Variants in BCL2L13 observed in about 807,000 individuals in gnomAD.
BCL2L13 encodes BCL2 like 13.
In BCL2L13, 13 loss-of-function variants were observed where a neutral mutation model predicts 25.8. The ratio of observed to expected loss-of-function variants is 0.50; its 90% CI spans 0.33 to 0.80. The LOEUF (loss-of-function observed/expected upper bound fraction) is 0.80, where lower values mean the gene tolerates loss of function less well. Among genes scored for constraint, BCL2L13 ranks in the 30% least tolerant of loss-of-function variants. The pLI is 0.02. For synonymous variants in BCL2L13, 244 were observed against 230.3 expected, an observed-to-expected ratio of 1.06 and a Z score of -0.54; for missense variants, 504 against 574.9, an observed-to-expected ratio of 0.88 and a Z score of 1.26.
intron 1 of BCL2L13, among the ~76,000 whole-genome samples, chr22:17,652,754 A>G (rs2058727774): frequency 6.6e-6 from 1 of 152,084 alleles, no homozygotes; most frequent in Non-Finnish European, 1.5e-5. Context: ...TTTCTTGAAT[A>G]CCATATTGAA....
intron 6 of BCL2L13, among the ~76,000 whole-genome samples, chr22:17,720,595 C>T (rs1429847684): frequency 6.6e-6 from 1 of 151,178 alleles, no homozygotes; most frequent in Non-Finnish European, 1.5e-5. Context: ...GAACTCCTGA[C>T]CTCAGGCGAT....
rs1430119460 is a variant in BCL2L13, at chr22:17,658,186, C to G, written c.121+2354C>G. Reference sequence around the variant, plus strand: ...TTTAAGCTGCTAAATAAACTTTTCACCAGATAGCAAATTTTAATTCATTTT... The same window carrying G: ...TTTAAGCTGCTAAATAAACTTTTCAGCAGATAGCAAATTTTAATTCATTTT... On this transcript the variant is annotated intron_variant, in intron 2 of 6. Coordinates refer to ENST00000317582, the MANE Select transcript of BCL2L13 (RefSeq NM_015367.4). 2.0e-5 allele frequency among the ~76,000 whole-genome samples: 3 copies of G among 151,026 alleles called. No individual in the cohort carries two copies. The East Asian group carries it at 5.8e-4, about 29-fold the overall frequency.
intron 6 of BCL2L13, among the ~76,000 whole-genome samples, chr22:17,709,215 G>A (rs969791181): frequency 3.3e-4 from 50 of 151,576 alleles, no homozygotes; most frequent in African/African-American, 1.0e-3. Context: ...CAGCCTGGGC[G>A]ACAGAGTGAG....
Position 17,726,709 on chromosome 22 carries a change from G to A in BCL2L13, c.633G>A (p.Glu211=), listed in dbSNP as rs754425367. 3 of 1,614,088 alleles carry A rather than the reference G, an allele frequency of 1.9e-6. No individual in the cohort carries two copies. The highest frequency in any genetic ancestry group is 2.2e-5 in the South Asian group (2 of 91,080). Residue 211 remains glutamate (E), a synonymous_variant, in exon 7 of 7, where the codon GAG becomes GAA. Transcript: ENST00000317582. ...TGTTTAGTCTTGAGTCAGAGGAGGA[G>A]GAATACCCTGGAATCACTGCAGAAG... ...GTVFSLESEE[E]EYPGITAEDS...
intron 3 of BCL2L13, 121 bp from the exon 4 acceptor site, chr22:17,688,865 T>G (rs765563587): frequency 5.9e-5 from 54 of 910,028 alleles, no homozygotes; most frequent in Non-Finnish European, 8.3e-5. Flanking sequence ...CCTCCTGGGT[T>G]CAAGTGATTC....
intron 6 of BCL2L13, chr22:17,703,650 C>T (rs1272512946): frequency 6.6e-6 from 1 of 152,150 alleles, no homozygotes; most frequent in Non-Finnish European, 1.5e-5. Context: ...AATTTAATTA[C>T]TATGGATACT....
intron 1 of BCL2L13, among the ~76,000 whole-genome samples, chr22:17,653,199 G>A (rs1014794939): frequency 6.6e-6 from 1 of 152,038 alleles, no homozygotes; most frequent in African/African-American, 2.4e-5. Flanking sequence ...GGGACTGTCT[G>A]TATACCCTAA....
chr22:17,655,997 C>G (rs926023255), intron 2 of BCL2L13, among the ~76,000 whole-genome samples, 165 bp downstream of exon 2: 3 of 152,108 alleles, frequency 2.0e-5, no homozygotes, highest in African/African-American at 7.2e-5. Flanking sequence ...TATGCCAGCA[C>G]TTTGGGAGGC....
rs2060057065 is a variant in BCL2L13, at chr22:17,689,939, A to G, written c.386+797A>G. ...CATCTGCCAATGGAACTGCTTCTAC[A>G]TTCTTATAGAAGGAACTTCTCTCCT... On this transcript the variant is annotated intron_variant, in intron 4 of 6. Transcript: ENST00000317582. Among the ~76,000 whole-genome samples, 5 of 152,136 alleles carry G rather than the reference A, an allele frequency of 3.3e-5. No homozygotes were observed. The South Asian group carries it at 1.0e-3, about 32-fold the overall frequency.
At chr22:17,645,596 A>G (rs1382617263) in intron 1 of BCL2L13, among the ~76,000 whole-genome samples, 1 of 151,600 alleles carries the variant, frequency 6.6e-6, no homozygotes, top group Non-Finnish European at 1.5e-5. Flanking sequence ...CTACAATATA[A>G]TCAGCACTGG....
chr22:17,671,965 T>C (rs1056138000), intron 2 of BCL2L13, among the ~76,000 whole-genome samples: 4 of 152,352 alleles, frequency 2.6e-5, no homozygotes, highest in African/African-American at 9.6e-5. Context: ...CCGCTCGCCT[T>C]GGCCTCCCAG....
chr22:17,661,238 G>A (rs1213114458), intron 2 of BCL2L13, among the ~76,000 whole-genome samples: 1 of 145,084 alleles, frequency 6.9e-6, no homozygotes, highest in African/African-American at 2.4e-5. Context: ...GATTACAGGC[G>A]CCCGCCACTG....
At chr22:17,629,866 C>G (rs928204887) in intron 1 of BCL2L13, among the ~76,000 whole-genome samples, 17 of 150,786 alleles carry the variant, frequency 1.1e-4, no homozygotes, top group African/African-American at 3.5e-4. Context: ...TTTAGTGTGT[C>G]ATAAGAACGA....
rs117992732 is a variant in BCL2L13, at chr22:17,727,411, C to T, written c.1335C>T (p.Pro445=). Residue 445 remains proline (P), a synonymous_variant, in exon 7 of 7, where the codon CCC becomes CCT. Transcript: ENST00000317582. ...CTGAGGGCAAGTCTAGACTGTCCCC[C>T]GCCGGTGAGATGAAGCCCATGCCGC... The part of the protein sequence containing the change: ...PPSEGKSRLS[P]AGEMKPMPLS... The T allele has an allele frequency of 4.9e-4, 786 of 1,614,102 alleles. 9 individuals are homozygous for T. The East Asian group carries it at 0.015, about 30-fold the overall frequency.
intron 1 of BCL2L13, among the ~76,000 whole-genome samples, chr22:17,633,150 A>G (rs1279970076): frequency 6.6e-6 from 1 of 152,238 alleles, no homozygotes; most frequent in African/African-American, 2.4e-5. Context: ...AAAATTAACA[A>G]TTAACATTTG....
At chr22:17,690,981 T>C (rs74619816) in intron 4 of BCL2L13, among the ~76,000 whole-genome samples, 3,623 of 152,024 alleles carry the variant, frequency 0.024, 135 homozygotes, top group African/African-American at 0.083. Context: ...AGTAAGTGGG[T>C]TAAGCTCATT....
chr22:17,676,330 G>T (rs1036273108), intron 2 of BCL2L13, among the ~76,000 whole-genome samples: 4 of 152,044 alleles, frequency 2.6e-5, no homozygotes, highest in Non-Finnish European at 4.4e-5. Flanking sequence ...AGGTGTGGTG[G>T]CACACGCCTG....
intron 1 of BCL2L13, among the ~76,000 whole-genome samples, chr22:17,641,827 TCTCA>T (rs1261002142): frequency 6.9e-6 from 1 of 145,200 alleles, no homozygotes; most frequent in Non-Finnish European, 1.5e-5. Context: ...TGAGAATGAG[TCTCA>T]CTCTGTCGCC....
In BCL2L13 at chr22:17,680,511, C is replaced by CAAAAAA. The variant is rs770410371; in HGVS notation, c.122-2678_122-2673dup. On this transcript the variant is annotated intron_variant, in intron 2 of 6. Coordinates refer to ENST00000317582, the MANE Select transcript of BCL2L13 (RefSeq NM_015367.4). ...CCTGGGAGAGAGCGAGACTCTGTCT[C>CAAAAAA]AAAAAAAAAAAAAAAAAAAAAAAAA... Among the ~76,000 whole-genome samples, 18 of 13,348 alleles carry CAAAAAA rather than the reference C, an allele frequency of 1.3e-3. 3 individuals carry two copies. The highest frequency in any genetic ancestry group is 3.6e-3 in the African/African-American group (12 of 3,328). 8.8% of individuals were successfully genotyped at this position (13,348 alleles called of 152,430 possible).
Sources: gnomAD v4.1 joint callset for allele counts (sites outside exome capture counted in the v4.1 genomes callset) on GRCh38, gnomAD v4.1.1 for gene constraint, MANE v1.5 for transcripts, NCBI Gene and HGNC (gene_info 2026-07-23, HGNC 2026-07-21) for gene names.